PRKN: variants seen among roughly 807,000 people sequenced by gnomAD.
PRKN encodes the protein parkin RBR E3 ubiquitin protein ligase.
Under a neutral mutation model 59.5 loss-of-function variants are expected in PRKN, and 56 were observed. That is an observed-to-expected ratio of 0.94 (90% CI 0.76 to 1.18). The LOEUF (loss-of-function observed/expected upper bound fraction) is 1.18, where lower values mean the gene tolerates loss of function less well. Among genes scored for constraint, PRKN ranks in the 50% most tolerant of loss-of-function variants. The pLI, the probability that PRKN is intolerant of heterozygous loss-of-function variation, is 0.00. For missense variants in PRKN, 657 were observed against 596.4 expected, an observed-to-expected ratio of 1.10 and a Z score of -1.06; for synonymous variants, 250 against 222.1, an observed-to-expected ratio of 1.13 and a Z score of -1.12.
chr6:162,010,748 A>T lies in PRKN; in HGVS notation c.619-37331T>A, dbSNP rs1219501192. Among the ~76,000 whole-genome samples the T allele has an allele frequency of 4.2e-4, 2 of 4,730 alleles. 1 individual carries two copies. The highest frequency in any genetic ancestry group is 5.0e-4 in the Non-Finnish European group (2 of 4,030). The allele number at this position is 4,730 out of a possible 152,430, so 3.1% of individuals were successfully genotyped here. On this transcript the variant is annotated intron_variant, in intron 5 of 11. Transcript: ENST00000366898. ...ACATATTATATAATATATATTATAT[A>T]ATATACAATATATAATATATTATAT... is the stretch of plus-strand genomic sequence containing the variant.
At chr6:162,383,586 C>T (rs1786616053) in intron 2 of PRKN, among the ~76,000 whole-genome samples, 1 of 152,134 alleles carries the variant, frequency 6.6e-6, no homozygotes, top group African/African-American at 2.4e-5. Flanking sequence ...CAGCATAATC[C>T]TTAAGGGCCC....
intron 4 of PRKN, among the ~76,000 whole-genome samples, chr6:162,148,591 T>C (rs1476827052): frequency 1.2e-5 from 1 of 81,602 alleles, no homozygotes; most frequent in Non-Finnish European, 3.3e-5. Flanking sequence ...ATAAGCCAGA[T>C]TGAAACAAAC....
chr6:161,779,434 TCTTTTC>T (rs1790099157), intron 7 of PRKN, among the ~76,000 whole-genome samples: 2 of 96,600 alleles, frequency 2.1e-5, no homozygotes, highest in Non-Finnish European at 4.1e-5. Context: ...CTTTTTCTTT[TCTTTTC>T]TTTTTTTTTT....
intron 4 of PRKN, among the ~76,000 whole-genome samples, chr6:162,137,747 C>G (rs1262787726): frequency 6.6e-6 from 1 of 152,166 alleles, no homozygotes; most frequent in African/African-American, 2.4e-5. Flanking sequence ...AGATAACAAA[C>G]TTACTCTAGG....
At position 162,302,963 on chromosome 6, in the gene PRKN, T is replaced by TACACACACACACACAC. The variant is rs71004084; in HGVS notation, c.172-40214_172-40199dup. 4.0e-3 allele frequency among the ~76,000 whole-genome samples: 557 copies of TACACACACACACACAC among 139,580 alleles called. 4 individuals are homozygous for TACACACACACACACAC. Among genetic ancestry groups the TACACACACACACACAC allele is most frequent in the Admixed American group, 5.7e-3 (80 of 14,060 alleles). 91.6% of individuals were successfully genotyped at this position (139,580 alleles called of 152,430 possible). On this transcript the variant is annotated intron_variant, in intron 2 of 11. Transcript: ENST00000366898. Reference sequence around the variant, plus strand: ...GGGTGAGTATTATATGCCTTAAACATACACACACACACACACACACACACA... The same window carrying TACACACACACACACAC: ...GGGTGAGTATTATATGCCTTAAACATACACACACACACACACACACACACACACACACACACACACA...
At chr6:162,279,403 G>A (rs1162815901) in intron 2 of PRKN, among the ~76,000 whole-genome samples, 4 of 144,886 alleles carry the variant, frequency 2.8e-5, no homozygotes, top group African/African-American at 1.0e-4. Flanking sequence ...AAGAAAGACA[G>A]AAAAAGAAAG....
chr6:161,998,071 T>C (rs905919768), intron 5 of PRKN, among the ~76,000 whole-genome samples: 1 of 152,138 alleles, frequency 6.6e-6, no homozygotes, highest in Non-Finnish European at 1.5e-5. Context: ...ACATAAAACA[T>C]ATATTATATG....
At chr6:161,690,945 C>T (rs938182062) in intron 7 of PRKN, among the ~76,000 whole-genome samples, 10 of 150,548 alleles carry the variant, frequency 6.6e-5, no homozygotes, top group Non-Finnish European at 1.2e-4. Context: ...ATCTGTGTAT[C>T]GATCGATTGA....
chr6:161,801,546 G>C (rs189974067), intron 6 of PRKN, among the ~76,000 whole-genome samples: 1 of 152,186 alleles, frequency 6.6e-6, no homozygotes, highest in East Asian at 1.9e-4. Context: ...ACAGTGTCAC[G>C]GTTTCTAAGA....
chr6:162,502,953 G>A (rs1045354293), intron 1 of PRKN, among the ~76,000 whole-genome samples: 1 of 151,590 alleles, frequency 6.6e-6, no homozygotes, highest in African/African-American at 2.4e-5. Context: ...TAAAGTTAAA[G>A]GATCTAAATA....
At chr6:162,567,923 G>C (rs989197873) in intron 1 of PRKN, among the ~76,000 whole-genome samples, 7 of 152,178 alleles carry the variant, frequency 4.6e-5, no homozygotes, top group African/African-American at 1.7e-4. Context: ...CAGACACACA[G>C]AGCAATGAAA....
Position 161,569,142 on chromosome 6 carries a change from G to C in PRKN, c.933+213C>G, listed in dbSNP as rs533122809. Among the ~76,000 whole-genome samples the C allele has an allele frequency of 3.3e-5, 5 of 152,310 alleles. No individual in the cohort carries two copies. The South Asian group carries it at 1.0e-3, about 32-fold the overall frequency. ...TCTTGAGATGAAATGCACTGCACTG[G>C]CAGATAGCAGATGTAGCAATTAATA... On this transcript the variant is annotated intron_variant, in intron 8 of 11. Transcript: ENST00000366898.
intron 1 of PRKN, among the ~76,000 whole-genome samples, chr6:162,635,899 C>T (rs1050924157): frequency 6.6e-6 from 1 of 151,870 alleles, no homozygotes; most frequent in Admixed American, 6.6e-5. Flanking sequence ...CATAATGGCA[C>T]GAGGCATGTT....
At chr6:162,260,723 C>T (rs1465283941) in intron 3 of PRKN, among the ~76,000 whole-genome samples, 1 of 152,090 alleles carries the variant, frequency 6.6e-6, no homozygotes, top group South Asian at 2.1e-4. Flanking sequence ...TGAATATGTA[C>T]ACAACAGGAT....
intron 1 of PRKN, among the ~76,000 whole-genome samples, chr6:162,590,762 A>G (rs1243913886): frequency 6.6e-6 from 1 of 152,210 alleles, no homozygotes; most frequent in Non-Finnish European, 1.5e-5. Flanking sequence ...ATTATGAGTG[A>G]ATTGGTGAAA....
At chr6:162,320,495 T>C (rs1202371339) in intron 2 of PRKN, among the ~76,000 whole-genome samples, 1 of 99,626 alleles carries the variant, frequency 1.0e-5, no homozygotes, top group African/African-American at 3.8e-5. Flanking sequence ...AATAGGTAAA[T>C]GAAAACATGT....
At position 161,451,053 on chromosome 6, in the gene PRKN, C is replaced by T. The variant is rs955127018; in HGVS notation, c.1084-64176G>A. ...TCTTGTTTTTAAAGAGGCAGGTAAG[C>T]AGGTAATAGAGAAGCCTTGAGGACT... is the stretch of plus-strand genomic sequence containing the variant. On this transcript the variant is annotated intron_variant, in intron 9 of 11. Transcript: ENST00000366898. The surrounding 1 kb of genome is among the most constrained non-coding windows in gnomAD (Gnocchi z 5.9). Among the ~76,000 whole-genome samples the T allele has an allele frequency of 6.6e-6, 1 of 152,154 alleles. No individual in the cohort carries two copies. The highest frequency in any genetic ancestry group is 1.5e-5 in the Non-Finnish European group (1 of 68,014).
intron 6 of PRKN, among the ~76,000 whole-genome samples, chr6:161,963,866 A>G (rs1219607422): frequency 1.3e-5 from 2 of 152,192 alleles, no homozygotes; most frequent in African/African-American, 4.8e-5. Context: ...ATGTCAGTCA[A>G]TTTGGGTCTT....
At chr6:161,996,961 G>C (rs1781871076) in intron 5 of PRKN, among the ~76,000 whole-genome samples, 1 of 151,872 alleles carries the variant, frequency 6.6e-6, no homozygotes, top group South Asian at 2.1e-4. Context: ...CATATCAGCG[G>C]GTAGCTAGCT....
Sources: gnomAD v4.1 joint callset for allele counts (sites outside exome capture counted in the v4.1 genomes callset) on GRCh38, gnomAD v4.1.1 for gene constraint, Gnocchi (gnomAD v3.1) non-coding constraint, MANE v1.5 for transcripts, NCBI Gene and HGNC (gene_info 2026-07-23, HGNC 2026-07-21) for gene names.